Variants in DBT observed in about 807,000 individuals in gnomAD.
The protein encoded by DBT is dihydrolipoamide branched chain transacylase E2.
DBT carries 40 observed loss-of-function variants against 51.3 expected under a neutral mutation model. The observed-to-expected ratio is 0.78, with a 90% CI of 0.61 to 1.02. The LOEUF (loss-of-function observed/expected upper bound fraction) is 1.02, where lower values mean the gene tolerates loss of function less well. Ranked by LOEUF, DBT falls within the 50% of genes least tolerant of loss-of-function variation. The pLI, the probability that DBT is intolerant of heterozygous loss-of-function variation, is 0.00. For missense variants in DBT, 510 were observed against 580.2 expected (o/e 0.88, Z 1.24); for synonymous variants, 181 against 190.4 (o/e 0.95, Z 0.41).
rs1404051786 is a variant in DBT at position 100,191,645 on chromosome 1, AGT to A, written c.*4608_*4609del. ...AGGCTCCAAAGGTGACTAAGACTCA[AGT>A]GTGGACAGAGTATTCTATTCTCCTG... On this transcript the variant is annotated 3_prime_UTR_variant, in exon 11 of 11. Transcript: ENST00000370132. 3.3e-5 allele frequency: 5 copies of A among 152,216 alleles called. No individual in the cohort carries two copies. The highest frequency in any genetic ancestry group is 4.4e-5 in the Non-Finnish European group (3 of 68,048). The allele number at this position is 152,216 out of a possible 1,614,324, so 9.4% of individuals were successfully genotyped here.
At chr1:100,246,956 G>A (rs1664575058) in intron 1 of DBT, among the ~76,000 whole-genome samples, 1 of 152,228 alleles carries the variant, frequency 6.6e-6, no homozygotes, top group Non-Finnish European at 1.5e-5. Context: ...TAAGGCAAGA[G>A]TCTTTAAAGC....
At chr1:100,205,259 GA>G (rs1184739678) in intron 10 of DBT, among the ~76,000 whole-genome samples, 2 of 151,884 alleles carry the variant, frequency 1.3e-5, no homozygotes, top group African/African-American at 2.4e-5. Flanking sequence ...AAATTTACAA[GA>G]AAAAAACAAA....
Position 100,240,902 on chromosome 1 carries a change from A to T in DBT, c.52-18T>A. ...ACACAAATCTACAGATGAGAAAACA[A>T]AAAGTAAAAGCATTTATAAACAACC... On this transcript the variant is annotated intron_variant, in intron 1 of 10. Transcript: ENST00000370132. The T allele has an allele frequency of 6.2e-7, 1 of 1,611,942 alleles. No individual in the cohort carries two copies.
chr1:100,248,421 T>A (rs1570856218), intron 1 of DBT, among the ~76,000 whole-genome samples: 1 of 152,298 alleles, frequency 6.6e-6, no homozygotes, highest in South Asian at 2.1e-4. Context: ...CACGTACATA[T>A]GAAACTGGAG....
At chr1:100,234,670 A>G (rs1232071815) in intron 3 of DBT, among the ~76,000 whole-genome samples, 7 of 152,196 alleles carry the variant, frequency 4.6e-5, no homozygotes. Flanking sequence ...AGGACAGCTA[A>G]TAAGTTTCCA....
At chr1:100,246,251 C>T (rs896447038) in intron 1 of DBT, among the ~76,000 whole-genome samples, 2 of 151,474 alleles carry the variant, frequency 1.3e-5, no homozygotes, top group Non-Finnish European at 2.9e-5. Context: ...AGTGAGACGC[C>T]GTCTCAAAAA....
chr1:100,233,760 C>T (rs1663692829), intron 3 of DBT, among the ~76,000 whole-genome samples: 1 of 152,186 alleles, frequency 6.6e-6, no homozygotes, highest in African/African-American at 2.4e-5. Flanking sequence ...TGGGAACTCA[C>T]ATTCTGTATT....
intron 8 of DBT, 86 bp from the exon 9 acceptor site, chr1:100,206,722 C>T: frequency 1.2e-6 from 1 of 805,342 alleles, no homozygotes; most frequent in Non-Finnish European, 2.2e-6. Flanking sequence ...CATCTAGAAA[C>T]CACTACCAAA....
In DBT at chr1:100,230,850, C is replaced by A. The variant is rs1663518492; in HGVS notation, c.316G>T (p.Ala106Ser). Reference sequence around the variant, plus strand: ...TAACGACTAGTGATGGTAACAGAAGCTTTATCACTTTGAACTTCACAGATG... The same window carrying A: ...TAACGACTAGTGATGGTAACAGAAGATTTATCACTTTGAACTTCACAGATG... ...DSICEVQSDKASVTITSRYDG... is the reference protein window; with the variant it reads ...DSICEVQSDKSSVTITSRYDG... Residue 106 changes from alanine to serine, a missense_variant, in exon 4 of 11, where the codon GCT becomes TCT. Coordinates refer to ENST00000370132, the MANE Select transcript of DBT (RefSeq NM_001918.5). The A allele has an allele frequency of 1.9e-6, 3 of 1,606,214 alleles. No homozygotes were observed. Among genetic ancestry groups the A allele is most frequent in the Admixed American group, 3.3e-5 (2 of 59,984 alleles).
At chr1:100,226,213 T>C (rs1158484480) in intron 4 of DBT, among the ~76,000 whole-genome samples, 1 of 151,990 alleles carries the variant, frequency 6.6e-6, no homozygotes, top group Non-Finnish European at 1.5e-5. Flanking sequence ...CAAAAAAAAC[T>C]GTGTTTATTT....
intron 7 of DBT, chr1:100,210,989 A>C: frequency 1.2e-6 from 1 of 839,116 alleles, no homozygotes; most frequent in Non-Finnish European, 2.0e-6. Flanking sequence ...AAGATAAAGT[A>C]GTCAGGTAGC....
In DBT at chr1:100,206,366, A is replaced by T. The variant is rs1054144155; in HGVS notation, c.1210-65T>A. On this transcript the variant is annotated intron_variant, in intron 9 of 10. Transcript: ENST00000370132. ...AAGATTTTTCAGGGAACAAATGCCA[A>T]GTGACTTTTCTATTTTTAATTAAGC... The T allele has an allele frequency of 1.9e-6, 3 of 1,566,558 alleles. No homozygotes were observed. In the African/African-American group the frequency reaches 4.1e-5, roughly 21 times the overall value.
Position 100,211,476 on chromosome 1 carries a change from T to G in DBT, c.940-705A>C, listed in dbSNP as rs181234768. Among the ~76,000 whole-genome samples, 1,279 of 152,254 alleles carry G rather than the reference T, an allele frequency of 8.4e-3. 11 individuals carry two copies. The highest frequency in any genetic ancestry group is 0.013 in the Non-Finnish European group (908 of 68,006). ...GTGGTGGCCATGCATTGTATTGAAT[T>G]TAAAAGATAGCAAAATAAAAATGCT... On this transcript the variant is annotated intron_variant, in intron 7 of 10. Coordinates refer to ENST00000370132, the MANE Select transcript of DBT (RefSeq NM_001918.5).
Position 100,230,799 on chromosome 1 carries a change from A to ACGG in DBT, c.366_367insCCG (p.Tyr122_Tyr123insPro). ...ACATAGGCAATATCGTCTAGATTAT[A>ACGG]ATAGAGTTTTTTAATGACTCCATCA... On this transcript the variant is annotated inframe_insertion, in exon 4 of 11. Transcript: ENST00000370132. The ACGG allele has an allele frequency of 6.2e-7, 1 of 1,610,816 alleles. No homozygotes were observed. The highest frequency in any genetic ancestry group is 8.5e-7 in the Non-Finnish European group (1 of 1,177,258).
intron 7 of DBT, chr1:100,213,307 T>C (rs998328837): frequency 9.0e-5 from 133 of 1,482,456 alleles, no homozygotes; most frequent in Non-Finnish European, 1.1e-4. Flanking sequence ...ACCACAAGAC[T>C]CTGCTGCAGG....
intron 4 of DBT, among the ~76,000 whole-genome samples, chr1:100,223,596 A>G (rs1662994955): frequency 6.6e-6 from 1 of 152,168 alleles, no homozygotes. Context: ...CCTCCTGCAT[A>G]GCTGGGACTA....
At chr1:100,206,396 G>A in intron 9 of DBT, 49 bp downstream of exon 9, 1 of 1,559,002 alleles carries the variant, frequency 6.4e-7, no homozygotes, top group Admixed American at 1.7e-5. Flanking sequence ...TTAAGCATAT[G>A]ATCAGAAACC....
chr1:100,195,137 A>G lies in DBT; in HGVS notation c.*1118T>C, dbSNP rs1661016717. ...AGAATGGAATAGACCTTAATTTCTT[A>G]TCCTATTTTTTAGCTGAAGACCAAA... On this transcript the variant is annotated 3_prime_UTR_variant, in exon 11 of 11. Coordinates refer to ENST00000370132, the MANE Select transcript of DBT (RefSeq NM_001918.5). 1 of 152,580 alleles carries G rather than the reference A, an allele frequency of 6.6e-6. No individual in the cohort carries two copies. Among genetic ancestry groups the G allele is most frequent in the South Asian group, 2.1e-4 (1 of 4,826 alleles). The allele number at this position is 152,580 out of a possible 1,614,324, so 9.5% of individuals were successfully genotyped here. A position where few individuals can be genotyped will look rare whatever the true frequency, so the allele number is the denominator to read the frequency against.
intron 4 of DBT, among the ~76,000 whole-genome samples, chr1:100,222,501 C>A (rs1662911236): frequency 6.6e-6 from 1 of 152,152 alleles, no homozygotes; most frequent in South Asian, 2.1e-4. Context: ...TCACATTAAA[C>A]AGAGCTGAGG....
Sources: allele counts gnomAD v4.1 joint callset (sites outside exome capture counted in the v4.1 genomes callset), GRCh38; gene constraint gnomAD v4.1.1; transcripts MANE v1.5; gene names NCBI Gene and HGNC (gene_info 2026-07-23, HGNC 2026-07-21).